The following ARSB variants were observed in gnomAD, a reference collection of about 807,000 sequenced individuals.
ARSB encodes the protein N-acetylgalactosamine-4-sulfatase.
Under a neutral mutation model 50.9 loss-of-function variants are expected in ARSB, and 41 were observed. The observed-to-expected ratio is 0.81, with a 90% CI of 0.63 to 1.04. The LOEUF is 1.04. Ranked by LOEUF, ARSB falls within the 50% of genes least tolerant of loss-of-function variation. The pLI is 0.00. For missense variants in ARSB, 672 were observed against 693.3 expected, an observed-to-expected ratio of 0.97 and a Z score of 0.35; for synonymous variants, 269 against 284.8, an observed-to-expected ratio of 0.94 and a Z score of 0.56.
intron 5 of ARSB, among the ~76,000 whole-genome samples, chr5:78,873,989 C>G (rs899363596): frequency 6.6e-6 from 1 of 152,012 alleles, no homozygotes; most frequent in Admixed American, 6.5e-5. Flanking sequence ...ACAAAAAACA[C>G]AAAGTCACTT....
rs60622885 is a variant in ARSB at position 78,905,344 on chromosome 5, G to GTTTTTTTTTTT, written c.899-19528_899-19518dup. Among the ~76,000 whole-genome samples, 216 of 130,522 alleles carry GTTTTTTTTTTT rather than the reference G, an allele frequency of 1.7e-3. 11 individuals carry two copies. Among genetic ancestry groups the GTTTTTTTTTTT allele is most frequent in the Middle Eastern group, 4.1e-3 (1 of 246 alleles). 85.6% of individuals were successfully genotyped at this position (130,522 alleles called of 152,430 possible). A position where few individuals can be genotyped will look rare whatever the true frequency, so the allele number is the denominator to read the frequency against. On this transcript the variant is annotated intron_variant, in intron 4 of 7. Coordinates refer to ENST00000264914, the MANE Select transcript of ARSB (RefSeq NM_000046.5). ...CCTTGAGTACTGCTCGTATTTTCCTGTTTTTTTTTTTTTGTATAATGAGTA... is the reference window on the plus strand; with the variant it reads ...CCTTGAGTACTGCTCGTATTTTCCTGTTTTTTTTTTTTTTTTTTTTTTTTGTATAATGAGTA...
intron 5 of ARSB, among the ~76,000 whole-genome samples, chr5:78,848,690 T>C (rs1369278933): frequency 6.6e-6 from 1 of 152,306 alleles, no homozygotes; most frequent in East Asian, 1.9e-4. Flanking sequence ...CCACCAACAG[T>C]GCAAAAGTAT....
chr5:78,784,341 A>G (rs1203203555), intron 6 of ARSB, among the ~76,000 whole-genome samples: 1 of 152,226 alleles, frequency 6.6e-6, no homozygotes, highest in Non-Finnish European at 1.5e-5. Context: ...ACGAAAGGAA[A>G]TCGGTATACT....
At chr5:78,861,842 A>G (rs959826077) in intron 5 of ARSB, among the ~76,000 whole-genome samples, 1 of 152,226 alleles carries the variant, frequency 6.6e-6, no homozygotes, top group Non-Finnish European at 1.5e-5. Flanking sequence ...TGCACATGAC[A>G]TGATTGTATA....
At chr5:78,846,197 C>T (rs1157731733) in intron 5 of ARSB, among the ~76,000 whole-genome samples, 4 of 152,018 alleles carry the variant, frequency 2.6e-5, no homozygotes, top group Non-Finnish European at 4.4e-5. Context: ...GCTATACATA[C>T]ACGAATTTAT....
chr5:78,810,813 G>C (rs1162750912), intron 6 of ARSB, among the ~76,000 whole-genome samples: 4 of 152,200 alleles, frequency 2.6e-5, no homozygotes, highest in Non-Finnish European at 5.9e-5. Flanking sequence ...ACTGTGTTCA[G>C]TTGTGTCAGA....
At chr5:78,888,948 G>A (rs1467839151) in intron 4 of ARSB, among the ~76,000 whole-genome samples, 3 of 152,230 alleles carry the variant, frequency 2.0e-5, no homozygotes, top group African/African-American at 7.2e-5. Context: ...GGACACATGT[G>A]CAACTTCTCC....
At chr5:78,812,184 T>C (rs896419366) in intron 6 of ARSB, among the ~76,000 whole-genome samples, 1 of 152,190 alleles carries the variant, frequency 6.6e-6, no homozygotes, top group Non-Finnish European at 1.5e-5. Flanking sequence ...CCACTTGAGA[T>C]GCAGGTCAGT....
At chr5:78,787,091 CATCTATCTATCTATCTATCTATCT>C (rs143701672) in intron 6 of ARSB, among the ~76,000 whole-genome samples, 5 of 128,054 alleles carry the variant, frequency 3.9e-5, no homozygotes, top group Non-Finnish European at 7.0e-5. Context: ...AATCGATAAC[CATCTATCTATCTATCTATCTATCT>C]ATCTATCTAT....
At chr5:78,884,002 C>T (rs941690697) in intron 5 of ARSB, 1 of 152,058 alleles carries the variant, frequency 6.6e-6, no homozygotes, top group Admixed American at 6.6e-5. Flanking sequence ...GTGTTGAATA[C>T]TATGATTATG....
At chr5:78,793,813 GAGA>G (rs1444718044) in intron 6 of ARSB, among the ~76,000 whole-genome samples, 1 of 152,212 alleles carries the variant, frequency 6.6e-6, no homozygotes, top group East Asian at 1.9e-4. Flanking sequence ...CTAGGGAAAG[GAGA>G]AGATCTCCCT....
intron 5 of ARSB, among the ~76,000 whole-genome samples, chr5:78,861,215 C>A (rs149190597): frequency 0.065 from 9,928 of 152,240 alleles, 421 homozygotes; most frequent in Non-Finnish European, 0.1. Flanking sequence ...GCTTCTGAAA[C>A]TATTCCAATC....
intron 4 of ARSB, among the ~76,000 whole-genome samples, chr5:78,908,654 A>G (rs1749171686): frequency 6.6e-6 from 1 of 152,072 alleles, no homozygotes. Context: ...CCCGGGAGCC[A>G]GTGCTCCCAA....
chr5:78,848,302 G>C (rs1301362778), intron 5 of ARSB, among the ~76,000 whole-genome samples: 1 of 97,336 alleles, frequency 1.0e-5, no homozygotes, highest in African/African-American at 4.2e-5. Flanking sequence ...CCACCTATGA[G>C]TGAGAACATG....
chr5:78,882,089 C>G (rs1392963153), intron 5 of ARSB, among the ~76,000 whole-genome samples: 1 of 152,256 alleles, frequency 6.6e-6, no homozygotes, highest in Admixed American at 6.5e-5. Flanking sequence ...TTCCTTCCTT[C>G]TGGATGTGGG....
At chr5:78,872,166 A>C (rs1288802422) in intron 5 of ARSB, among the ~76,000 whole-genome samples, 1 of 149,038 alleles carries the variant, frequency 6.7e-6, no homozygotes, top group Non-Finnish European at 1.5e-5. Context: ...TCAGGAAACA[A>C]CAGGTGCTGG....
At chr5:78,969,391 A>C (rs755531862) in intron 1 of ARSB, among the ~76,000 whole-genome samples, 199 bp from the exon 2 acceptor site, 2 of 152,240 alleles carry the variant, frequency 1.3e-5, no homozygotes, top group Non-Finnish European at 2.9e-5. Context: ...GATTTGAAAG[A>C]CAAATAAAAC....
chr5:78,945,707 G>A (rs371522351), intron 4 of ARSB, among the ~76,000 whole-genome samples: 59 of 152,162 alleles, frequency 3.9e-4, no homozygotes, highest in African/African-American at 1.3e-3. Flanking sequence ...CTCACATCTC[G>A]CTGCTCTCCA....
At chr5:78,983,170 C>G (rs1052630058) in intron 1 of ARSB, among the ~76,000 whole-genome samples, 7 of 152,190 alleles carry the variant, frequency 4.6e-5, no homozygotes, top group Non-Finnish European at 1.0e-4. Flanking sequence ...TCTCCTGACT[C>G]AGTCTCCCGA....
Sources: gnomAD v4.1 joint callset for allele counts (sites outside exome capture counted in the v4.1 genomes callset) on GRCh38, gnomAD v4.1.1 for gene constraint, MANE v1.5 for transcripts, NCBI Gene and HGNC (gene_info 2026-07-23, HGNC 2026-07-21) for gene names.